ARHGEF3: variants seen among roughly 807,000 people sequenced by gnomAD.
ARHGEF3 encodes Rho guanine nucleotide exchange factor 3, also known as 59.8 kDA protein.
A neutral mutation model predicts 63.2 loss-of-function variants in ARHGEF3; 28 were observed. The observed-to-expected ratio is 0.44, with a 90% CI of 0.33 to 0.61. ARHGEF3 has a LOEUF of 0.61. Ranked by LOEUF, ARHGEF3 falls within the 20% of genes least tolerant of loss-of-function variation. The pLI is 0.03. For missense variants in ARHGEF3, 533 were observed against 659.3 expected, an observed-to-expected ratio of 0.81 and a Z score of 2.10; for synonymous variants, 266 against 254.2, an observed-to-expected ratio of 1.05 and a Z score of -0.44.
upstream of ARHGEF3, chr3:56,801,974 A>T (rs777656514): frequency 2.7e-5 from 36 of 1,315,508 alleles, no homozygotes; most frequent in African/African-American, 5.2e-4. Flanking sequence ...AGTGGGCGGG[A>T]CCGTGCCAGC....
chr3:56,858,725 A>G (rs751107714), intron 4 of ARHGEF3, among the ~76,000 whole-genome samples: 1 of 152,228 alleles, frequency 6.6e-6, no homozygotes, highest in African/African-American at 2.4e-5. Context: ...GGGGAATAAG[A>G]AAGGAAAGAA....
chr3:56,739,569 T>C (rs1437513897), intron 7 of ARHGEF3, among the ~76,000 whole-genome samples: 2 of 151,828 alleles, frequency 1.3e-5, no homozygotes, highest in Non-Finnish European at 2.9e-5. Context: ...CTGGCTAATT[T>C]TTGTATTTTT....
chr3:57,069,818 A>G (rs1201702363), intron 1 of ARHGEF3, among the ~76,000 whole-genome samples: 1 of 152,100 alleles, frequency 6.6e-6, no homozygotes, highest in African/African-American at 2.4e-5. Flanking sequence ...CTAATTTTTA[A>G]TTGTTTTATA....
intron 8 of ARHGEF3, among the ~76,000 whole-genome samples, chr3:56,735,007 G>C (rs2033502712): frequency 6.6e-6 from 1 of 152,188 alleles, no homozygotes; most frequent in Admixed American, 6.5e-5. Context: ...AACTCAGCCA[G>C]GCACGGTGGC....
intron 7 of ARHGEF3, among the ~76,000 whole-genome samples, chr3:56,743,131 T>C (rs1270955603): frequency 1.3e-5 from 2 of 152,152 alleles, no homozygotes; most frequent in Non-Finnish European, 2.9e-5. Context: ...AAAACAGACA[T>C]GATGAAGTGA....
chr3:56,845,446 A>C (rs2039457119), intron 4 of ARHGEF3, among the ~76,000 whole-genome samples: 1 of 152,200 alleles, frequency 6.6e-6, no homozygotes, highest in Admixed American at 6.6e-5. Flanking sequence ...GGGACTGAAA[A>C]TCTATATTAG....
intron 3 of ARHGEF3, chr3:56,940,205 C>G (rs756750792): frequency 6.6e-6 from 1 of 152,158 alleles, no homozygotes; most frequent in Non-Finnish European, 1.5e-5. Context: ...CTGCATTCCA[C>G]GAAATACTTC....
chr3:57,013,746 A>C (rs1168289953), intron 2 of ARHGEF3, among the ~76,000 whole-genome samples: 2 of 152,238 alleles, frequency 1.3e-5, no homozygotes, highest in African/African-American at 2.4e-5. Flanking sequence ...TAAATGCACC[A>C]ATCAGCACTT....
intron 3 of ARHGEF3, among the ~76,000 whole-genome samples, chr3:56,945,340 C>A (rs368290136): frequency 2.0e-5 from 3 of 152,234 alleles, no homozygotes; most frequent in Admixed American, 6.5e-5. Context: ...CCGGGAAGTG[C>A]AAGGGGTCAG....
chr3:57,037,336 G>A (rs1011948844), intron 1 of ARHGEF3, among the ~76,000 whole-genome samples: 4 of 152,056 alleles, frequency 2.6e-5, no homozygotes, highest in East Asian at 3.9e-4. Flanking sequence ...ACCTCATTTC[G>A]GCCTAGAAAC....
intron 3 of ARHGEF3, among the ~76,000 whole-genome samples, chr3:56,930,104 G>A (rs1290473838): frequency 3.3e-5 from 5 of 152,112 alleles, no homozygotes; most frequent in Non-Finnish European, 7.3e-5. Context: ...ATCAGTCACA[G>A]TTGCACCTTC....
At chr3:57,061,319 A>G (rs899824693) in intron 1 of ARHGEF3, among the ~76,000 whole-genome samples, 3 of 151,770 alleles carry the variant, frequency 2.0e-5, no homozygotes, top group East Asian at 1.9e-4. Flanking sequence ...TTTTTTTGCA[A>G]TGGGGTCTGG....
chr3:56,843,628 C>T (rs928008281), intron 4 of ARHGEF3, among the ~76,000 whole-genome samples: 1 of 152,188 alleles, frequency 6.6e-6, no homozygotes, highest in East Asian at 1.9e-4. Context: ...TTTCATCTTT[C>T]ACCATCTTTC....
intron 3 of ARHGEF3, among the ~76,000 whole-genome samples, chr3:56,921,137 TG>T (rs1379229451): frequency 7.0e-6 from 1 of 141,930 alleles, no homozygotes; most frequent in Non-Finnish European, 1.5e-5. Context: ...GGCAGAGACA[TG>T]AGGATGGCTT....
At chr3:56,951,027 G>A (rs1479477651) in intron 3 of ARHGEF3, among the ~76,000 whole-genome samples, 3 of 151,660 alleles carry the variant, frequency 2.0e-5, no homozygotes, top group Non-Finnish European at 4.4e-5. Context: ...ACTATCGCAA[G>A]GACAAAAAAC....
At chr3:56,813,696 A>C (rs1291139628) in intron 4 of ARHGEF3, among the ~76,000 whole-genome samples, 1 of 152,196 alleles carries the variant, frequency 6.6e-6, no homozygotes, top group African/African-American at 2.4e-5. Flanking sequence ...CCTGTTCATA[A>C]AACTTTATAA....
chr3:56,743,861 C>T (rs567992370), intron 7 of ARHGEF3, among the ~76,000 whole-genome samples: 2 of 152,246 alleles, frequency 1.3e-5, no homozygotes, highest in Non-Finnish European at 2.9e-5. Context: ...AGCATCCTCC[C>T]AACTTGCATC....
intron 3 of ARHGEF3, among the ~76,000 whole-genome samples, chr3:56,905,514 T>A (rs550825075): frequency 6.6e-6 from 1 of 152,378 alleles, no homozygotes; most frequent in East Asian, 1.9e-4. Context: ...GTTTCCAATC[T>A]TCTGCTGCAG....
In ARHGEF3 at chr3:56,729,363, A is replaced by T. The variant is rs760044987; in HGVS notation, c.1488T>A (p.Ser496Arg). 30 of 1,613,896 alleles carry T rather than the reference A, an allele frequency of 1.9e-5. No individual in the cohort carries two copies. The highest frequency in any genetic ancestry group is 2.1e-5 in the Non-Finnish European group (25 of 1,180,004). Residue 496 changes from serine (S) to arginine (R), a missense_variant, in exon 10 of 10, where the codon AGT becomes AGA. By Grantham distance (110) the Ser-to-Arg change is moderately radical (BLOSUM62 -1). This residue lies in a region of ARHGEF3 where 115 missense variants were observed against 103.4 expected (regional missense o/e 1.11). Transcript: ENST00000296315. ...MDQSDSESDC[S>R]MDTSEVSLDC... ...CGAGGCTGACCTCACTCGTGTCCAT[A>T]CTACAGTCTGACTCACTGTCCGATT... is the stretch of plus-strand genomic sequence containing the variant.
Sources: gnomAD v4.1 joint callset for allele counts (sites outside exome capture counted in the v4.1 genomes callset) on GRCh38, gnomAD v4.1.1 for gene constraint, gnomAD v4.1.1 regional missense constraint, MANE v1.5 for transcripts, NCBI Gene and HGNC (gene_info 2026-07-23, HGNC 2026-07-21) for gene names.